Variants in DIP2C observed in about 807,000 individuals in gnomAD.
DIP2C encodes the protein disco-interacting protein 2 homolog C.
Under a neutral mutation model 192.4 loss-of-function variants are expected in DIP2C, and 33 were observed. The observed-to-expected ratio is 0.17, with a 90% CI of 0.13 to 0.23. DIP2C has a LOEUF of 0.23. Ranked by LOEUF, DIP2C falls within the 10% of genes least tolerant of loss-of-function variation. The pLI, the probability that DIP2C is intolerant of heterozygous loss-of-function variation, is 1.00. For missense variants in DIP2C, 1,537 were observed against 2,110.1 expected, an observed-to-expected ratio of 0.73 and a Z score of 5.32; for synonymous variants, 979 against 864.1, an observed-to-expected ratio of 1.13 and a Z score of -2.33.
chr10:525,191 A>G (rs1354331315), intron 1 of DIP2C, among the ~76,000 whole-genome samples: 3 of 152,190 alleles, frequency 2.0e-5, no homozygotes, highest in African/African-American at 7.2e-5. Context: ...AATGTACTTA[A>G]TTTTATCACA....
At chr10:358,820 G>A (rs1959189024) in intron 22 of DIP2C, among the ~76,000 whole-genome samples, 1 of 91,140 alleles carries the variant, frequency 1.1e-5, no homozygotes, top group Non-Finnish European at 2.2e-5. Flanking sequence ...GGGGATTGGA[G>A]GGGGCAGAGG....
At chr10:664,957 T>G (rs1341693501) in intron 1 of DIP2C, 2 of 152,152 alleles carry the variant, frequency 1.3e-5, no homozygotes, top group Non-Finnish European at 2.9e-5. Flanking sequence ...GATGTTTTAA[T>G]TACCAACTAA....
chr10:414,101 G>C lies in DIP2C; in HGVS notation c.869C>G (p.Pro290Arg). ...CTCCGGCTTTGGTTGGTTCGGATCCGGTTGTTGAACTAAATCGTTTGAATA... is the reference window on the plus strand; with the variant it reads ...CTCCGGCTTTGGTTGGTTCGGATCCCGTTGTTGAACTAAATCGTTTGAATA... ...DFEELLEVQQ[P>R]DPNQPKPEGA... Residue 290 changes from proline to arginine, a missense_variant, in exon 8 of 37, where the codon CCG becomes CGG. Pro to Arg is a moderately radical substitution (Grantham distance 103). Transcript: ENST00000280886. 6.2e-7 allele frequency: 1 copy of C among 1,611,420 alleles called. No individual in the cohort carries two copies. Among genetic ancestry groups the C allele is most frequent in the Non-Finnish European group, 8.5e-7 (1 of 1,177,962 alleles).
At chr10:545,166 C>CTTTTTTTTTTTTTTTT (rs60185327) in intron 1 of DIP2C, among the ~76,000 whole-genome samples, 10 of 86,340 alleles carry the variant, frequency 1.2e-4, no homozygotes, top group Non-Finnish European at 1.9e-4. Context: ...GGTGTTTTCC[C>CTTTTTTTTTTTTTTTT]TTTTTTTTTT....
intron 9 of DIP2C, among the ~76,000 whole-genome samples, chr10:404,374 A>G (rs1564667933): frequency 2.0e-5 from 3 of 151,970 alleles, no homozygotes; most frequent in Admixed American, 6.6e-5. Context: ...ACACTCAGCC[A>G]ATTTTTTTCT....
intron 17 of DIP2C, among the ~76,000 whole-genome samples, chr10:371,619 C>T (rs796261168): frequency 7.8e-6 from 1 of 127,418 alleles, no homozygotes; most frequent in Non-Finnish European, 1.7e-5. Flanking sequence ...AGGCCCAGGG[C>T]GGATCGCTGA....
chr10:364,660 C>G lies in DIP2C; in HGVS notation c.2269-78G>C, dbSNP rs534665000. On this transcript the variant is annotated intron_variant, in intron 19 of 36. Transcript: ENST00000280886. ...ATCCTCGCCGCTACTCCTGGGAGCA[C>G]GGCACCTGCTTTGCTTAAGCTCTGC... 57 of 1,473,466 alleles carry G rather than the reference C, an allele frequency of 3.9e-5. No individual in the cohort carries two copies. The South Asian group carries it at 5.5e-4, about 14-fold the overall frequency. The allele number at this position is 1,473,466 out of a possible 1,614,324, so 91.3% of individuals were successfully genotyped here.
rs1678531522 is a variant in DIP2C, at chr10:276,994, T to G, written c.*331A>C. On this transcript the variant is annotated 3_prime_UTR_variant, in exon 37 of 37. Transcript: ENST00000280886. ...ATATTTTTTTAATTGCTATTTCGGCTTAACAAAATACCACATTTACGAAGA... is the reference window on the plus strand; with the variant it reads ...ATATTTTTTTAATTGCTATTTCGGCGTAACAAAATACCACATTTACGAAGA... 1 of 240,266 alleles carries G rather than the reference T, an allele frequency of 4.2e-6. No homozygotes were observed. The highest frequency in any genetic ancestry group is 5.0e-5 in the Admixed American group (1 of 19,950). The allele number at this position is 240,266 out of a possible 1,614,324, so 14.9% of individuals were successfully genotyped here. A position where few individuals can be genotyped will look rare whatever the true frequency, so the allele number is the denominator to read the frequency against.
At chr10:564,028 GA>G (rs1849341579) in intron 1 of DIP2C, among the ~76,000 whole-genome samples, 1 of 152,178 alleles carries the variant, frequency 6.6e-6, no homozygotes, top group Non-Finnish European at 1.5e-5. Context: ...TCAAAGCTGA[GA>G]AAACACTAAT....
chr10:566,060 AAAC>A (rs1564205517), intron 1 of DIP2C, among the ~76,000 whole-genome samples: 1 of 152,252 alleles, frequency 6.6e-6, no homozygotes, highest in Non-Finnish European at 1.5e-5. Context: ...AGAAAAAACA[AAAC>A]AAAAAAACCA....
At chr10:487,978 C>T (rs901592012) in intron 1 of DIP2C, among the ~76,000 whole-genome samples, 4 of 152,328 alleles carry the variant, frequency 2.6e-5, no homozygotes, top group African/African-American at 7.2e-5. Flanking sequence ...CTGCCCACTA[C>T]GGAGACGCTC....
At chr10:600,053 G>A (rs764734568) in intron 1 of DIP2C, among the ~76,000 whole-genome samples, 27 of 152,132 alleles carry the variant, frequency 1.8e-4, no homozygotes, top group African/African-American at 3.6e-4. Flanking sequence ...TTCATTCCCC[G>A]GGCCCAGCTC....
chr10:382,091 G>C (rs1357113073), intron 17 of DIP2C, among the ~76,000 whole-genome samples: 1 of 152,196 alleles, frequency 6.6e-6, no homozygotes, highest in Non-Finnish European at 1.5e-5. Flanking sequence ...GAAGAGGTTT[G>C]GGCTTTACTT....
intron 17 of DIP2C, chr10:370,072 C>T (rs1960779700): frequency 1.0e-5 from 10 of 983,292 alleles, no homozygotes; most frequent in Non-Finnish European, 1.2e-5. Context: ...AACCACTGAA[C>T]AGCAATGATG....
At chr10:483,833 T>C (rs1178761341) in intron 2 of DIP2C, among the ~76,000 whole-genome samples, 2 of 152,130 alleles carry the variant, frequency 1.3e-5, no homozygotes, top group African/African-American at 2.4e-5. Flanking sequence ...TTTTTTTTTT[T>C]TGAGACAGGG....
chr10:366,496 G>T (rs781524616), intron 18 of DIP2C, 85 bp from the exon 19 acceptor site: 27 of 1,580,156 alleles, frequency 1.7e-5, no homozygotes, highest in Admixed American at 5.2e-5. Flanking sequence ...GAATATGAAC[G>T]ACACCAGTGA....
chr10:331,235 A>G (rs1171691072), intron 29 of DIP2C, among the ~76,000 whole-genome samples: 1 of 152,172 alleles, frequency 6.6e-6, no homozygotes, highest in Non-Finnish European at 1.5e-5. Context: ...AAATTTTCAT[A>G]ATTGTTTATA....
chr10:560,276 A>C (rs992045392), intron 1 of DIP2C, among the ~76,000 whole-genome samples: 1 of 152,174 alleles, frequency 6.6e-6, no homozygotes, highest in Non-Finnish European at 1.5e-5. Context: ...GGAGTCACAA[A>C]GAGGGGAGGT....
chr10:587,820 C>T (rs1234489374), intron 1 of DIP2C, among the ~76,000 whole-genome samples: 1 of 109,334 alleles, frequency 9.1e-6, no homozygotes, highest in Non-Finnish European at 1.8e-5. Context: ...TCCTGAAACC[C>T]CACATCCACA....
Sources: gnomAD v4.1 joint callset for allele counts (sites outside exome capture counted in the v4.1 genomes callset) on GRCh38, gnomAD v4.1.1 for gene constraint, MANE v1.5 for transcripts, NCBI Gene and HGNC (gene_info 2026-07-23, HGNC 2026-07-21) for gene names.